The following JMJD1C variants were observed in gnomAD, a reference collection of about 807,000 sequenced individuals.
The protein encoded by JMJD1C is jumonji domain-containing protein 1C.
A neutral mutation model predicts 245.3 loss-of-function variants in JMJD1C; 31 were observed. That is an observed-to-expected ratio of 0.13 (90% CI 0.09 to 0.17). JMJD1C has a LOEUF of 0.17. Among genes scored for constraint, JMJD1C ranks in the 10% least tolerant of loss-of-function variants. JMJD1C has a pLI of 1.00. For missense variants in JMJD1C, 2,691 were observed against 3,000.2 expected (o/e 0.90, Z 2.41); for synonymous variants, 1,057 against 1,017.4 (o/e 1.04, Z -0.74).
At chr10:63,373,665 T>C (rs893769618) in intron 2 of JMJD1C, among the ~76,000 whole-genome samples, 5 of 152,192 alleles carry the variant, frequency 3.3e-5, no homozygotes, top group Non-Finnish European at 7.3e-5. Flanking sequence ...AACATTAAAT[T>C]TGTAGAAAAT....
Position 63,209,254 on chromosome 10 carries a change from A to C in JMJD1C, c.2695-19T>G, listed in dbSNP as rs767638075. 4.5e-6 allele frequency: 7 copies of C among 1,564,498 alleles called. No individual in the cohort carries two copies. Among genetic ancestry groups the C allele is most frequent in the Admixed American group, 1.9e-5 (1 of 52,836 alleles). ...GAGAATTCTATTAACAAAACAAAACAAAAAAAACACCTAGATTTCAGTTAC... is the reference window on the plus strand; with the variant it reads ...GAGAATTCTATTAACAAAACAAAACCAAAAAAACACCTAGATTTCAGTTAC... On this transcript the variant is annotated intron_variant, in intron 8 of 25. Coordinates refer to ENST00000399262, the MANE Select transcript of JMJD1C (RefSeq NM_032776.3).
At chr10:63,509,540 A>T (rs559220634) in intron 1 of JMJD1C, among the ~76,000 whole-genome samples, 1 of 152,330 alleles carries the variant, frequency 6.6e-6, no homozygotes. Flanking sequence ...TGGACCTGGT[A>T]CTTTCTGTTT....
chr10:63,405,159 C>T (rs1949092220), intron 1 of JMJD1C, among the ~76,000 whole-genome samples: 1 of 152,014 alleles, frequency 6.6e-6, no homozygotes, highest in Non-Finnish European at 1.5e-5. Flanking sequence ...ATTTTTAGCA[C>T]CTCAATTCTC....
At chr10:63,297,531 G>T (rs900520361) in intron 2 of JMJD1C, among the ~76,000 whole-genome samples, 4 of 152,230 alleles carry the variant, frequency 2.6e-5, no homozygotes, top group Admixed American at 2.6e-4. Context: ...CAAATGGCAG[G>T]ACTGAAAGGA....
At chr10:63,301,853 AAAAC>A (rs1211995018) in intron 2 of JMJD1C, 1 of 378,988 alleles carries the variant, frequency 2.6e-6, no homozygotes, top group Non-Finnish European at 5.2e-6. Flanking sequence ...CAATGAAGAA[AAAAC>A]AAACAAATGG....
At chr10:63,392,911 T>TACAC (rs1564870944) in intron 1 of JMJD1C, among the ~76,000 whole-genome samples, 3 of 83,602 alleles carry the variant, frequency 3.6e-5, no homozygotes, top group African/African-American at 1.4e-4. Context: ...CACACACACG[T>TACAC]GAGCAAAGGA....
intron 2 of JMJD1C, among the ~76,000 whole-genome samples, chr10:63,323,158 G>T (rs914169889): frequency 6.6e-6 from 1 of 152,162 alleles, no homozygotes; most frequent in Non-Finnish European, 1.5e-5. Flanking sequence ...TGACAGCTAT[G>T]ATGGACAGGT....
intron 1 of JMJD1C, among the ~76,000 whole-genome samples, chr10:63,453,673 A>G (rs555102647): frequency 3.6e-4 from 55 of 152,364 alleles, no homozygotes; most frequent in Non-Finnish European, 5.3e-4. Flanking sequence ...ATAATGTACT[A>G]TAAGTAGTTA....
intron 3 of JMJD1C, among the ~76,000 whole-genome samples, chr10:63,263,659 T>TG (rs749187211): frequency 9.2e-5 from 14 of 152,064 alleles, no homozygotes; most frequent in African/African-American, 2.4e-5. Flanking sequence ...AGGCCAGGTG[T>TG]GGTGGCTCAC....
chr10:63,267,254 T>C (rs1160041297), intron 2 of JMJD1C, among the ~76,000 whole-genome samples: 1 of 152,182 alleles, frequency 6.6e-6, no homozygotes, highest in Admixed American at 6.5e-5. Context: ...GTGTGACTGC[T>C]CTACTTTAAG....
chr10:63,179,409 C>CA (rs978116946), intron 22 of JMJD1C, among the ~76,000 whole-genome samples: 298 of 112,724 alleles, frequency 2.6e-3, no homozygotes, highest in South Asian at 5.7e-3. Context: ...AACTCCATCT[C>CA]AAAAAAAAAA....
intron 2 of JMJD1C, among the ~76,000 whole-genome samples, chr10:63,291,385 G>T (rs1449419916): frequency 2.0e-5 from 3 of 150,702 alleles, no homozygotes; most frequent in African/African-American, 7.4e-5. Context: ...GGGAGGCCAA[G>T]GTGGGCGGAT....
intron 1 of JMJD1C, among the ~76,000 whole-genome samples, chr10:63,514,482 A>C (rs1413339608): frequency 2.6e-5 from 4 of 152,232 alleles, no homozygotes; most frequent in Non-Finnish European, 4.4e-5. Context: ...TTGCAGCAAC[A>C]TGGATGGAGT....
intron 1 of JMJD1C, among the ~76,000 whole-genome samples, chr10:63,408,004 C>CT (rs1949269413): frequency 6.6e-6 from 1 of 151,912 alleles, no homozygotes; most frequent in Non-Finnish European, 1.5e-5. Flanking sequence ...AAAAGAGAAA[C>CT]GTAACAGAGA....
chr10:63,344,028 A>T (rs1943600840), intron 2 of JMJD1C, among the ~76,000 whole-genome samples: 1 of 152,060 alleles, frequency 6.6e-6, no homozygotes, highest in East Asian at 1.9e-4. Context: ...GCAGATAGAG[A>T]CCCTGTCTCA....
intron 2 of JMJD1C, among the ~76,000 whole-genome samples, chr10:63,375,295 T>TCC (rs1335447228): frequency 6.8e-6 from 1 of 147,540 alleles, no homozygotes; most frequent in Non-Finnish European, 1.5e-5. Context: ...CAAGGGATCC[T>TCC]CCCACCTCAG....
rs932513113 is a variant in JMJD1C, at chr10:63,275,826, T to A, written c.334-11062A>T. 2.0e-5 allele frequency among the ~76,000 whole-genome samples: 3 copies of A among 152,338 alleles called. No homozygotes were observed. The East Asian group carries it at 5.8e-4, about 29-fold the overall frequency. ...TTTAAGTGCACTTTCAGCCCTTTTTTTCCTCACAACCATATTAGTTATCAA... is the reference window on the plus strand; with the variant it reads ...TTTAAGTGCACTTTCAGCCCTTTTTATCCTCACAACCATATTAGTTATCAA... On this transcript the variant is annotated intron_variant, in intron 2 of 25. Coordinates refer to ENST00000399262, the MANE Select transcript of JMJD1C (RefSeq NM_032776.3).
chr10:63,472,640 T>C (rs568523217), intron 1 of JMJD1C, among the ~76,000 whole-genome samples: 1 of 152,038 alleles, frequency 6.6e-6, no homozygotes, highest in East Asian at 1.9e-4. Flanking sequence ...CCCTGCAATT[T>C]CTTTTTATAT....
rs10652559 is a variant in JMJD1C at position 63,191,983 on chromosome 10, C to CAA, written c.6077-877_6077-876dup. On this transcript the variant is annotated intron_variant, in intron 16 of 25. Transcript: ENST00000399262. ...TGGACAACAGAGTGAGACTCTGTCT[C>CAA]AAAAAAAAAAAAAAAAAAAAAAAAA... 6.0e-3 allele frequency among the ~76,000 whole-genome samples: 363 copies of CAA among 60,836 alleles called. 49 individuals are homozygous for CAA. Among genetic ancestry groups the CAA allele is most frequent in the African/African-American group, 0.031 (320 of 10,258 alleles). The allele number at this position is 60,836 out of a possible 152,430, so 39.9% of individuals were successfully genotyped here.
Sources: gnomAD v4.1 joint callset for allele counts (sites outside exome capture counted in the v4.1 genomes callset) on GRCh38, gnomAD v4.1.1 for gene constraint, MANE v1.5 for transcripts, NCBI Gene and HGNC (gene_info 2026-07-23, HGNC 2026-07-21) for gene names.